The following GRIK4 variants were observed in gnomAD, a reference collection of about 807,000 sequenced individuals.
The protein encoded by GRIK4 is glutamate ionotropic receptor kainate type subunit 4.
In GRIK4, 40 loss-of-function variants were observed where a neutral mutation model predicts 104.9. The ratio of observed to expected loss-of-function variants is 0.38; its 90% CI spans 0.30 to 0.50. The LOEUF (loss-of-function observed/expected upper bound fraction) is 0.50. Ranked by LOEUF, GRIK4 falls within the 20% of genes least tolerant of loss-of-function variation. GRIK4 has a pLI of 0.93. For synonymous variants in GRIK4, 485 were observed against 524.9 expected, an observed-to-expected ratio of 0.92 and a Z score of 1.04; for missense variants, 1,047 against 1,308.1, an observed-to-expected ratio of 0.80 and a Z score of 3.08.
At chr11:120,959,620 G>C (rs552145882) in intron 16 of GRIK4, among the ~76,000 whole-genome samples, 3 of 152,182 alleles carry the variant, frequency 2.0e-5, no homozygotes, top group Admixed American at 1.3e-4. Flanking sequence ...ATGGGAGAAG[G>C]CTTGTTTAAC....
chr11:120,697,977 G>C (rs544436405), intron 3 of GRIK4, among the ~76,000 whole-genome samples: 19 of 152,018 alleles, frequency 1.2e-4, no homozygotes, highest in African/African-American at 4.3e-4. Context: ...CCCCTTTCCC[G>C]AGTCTCTGGG....
intron 1 of GRIK4, among the ~76,000 whole-genome samples, chr11:120,514,099 G>A (rs1352713488): frequency 6.6e-6 from 1 of 152,124 alleles, no homozygotes; most frequent in Non-Finnish European, 1.5e-5. Flanking sequence ...CAGGGGGACC[G>A]GCCCTGGGTT....
chr11:120,624,609 T>C (rs1949232327), intron 1 of GRIK4, among the ~76,000 whole-genome samples: 1 of 152,192 alleles, frequency 6.6e-6, no homozygotes, highest in East Asian at 1.9e-4. Context: ...TGAAGTCCTC[T>C]GCAAGACACA....
intron 3 of GRIK4, among the ~76,000 whole-genome samples, chr11:120,748,182 G>A (rs975364669): frequency 5.9e-5 from 9 of 151,814 alleles, no homozygotes; most frequent in Admixed American, 2.0e-4. Flanking sequence ...TGGCCGACAG[G>A]TTAAACCCTC....
intron 3 of GRIK4, among the ~76,000 whole-genome samples, chr11:120,739,361 G>T (rs2135405135): frequency 6.6e-6 from 1 of 152,290 alleles, no homozygotes; most frequent in South Asian, 2.1e-4. Flanking sequence ...GTTTCCCATG[G>T]GCTCTGCCTG....
chr11:120,565,753 T>C (rs1188522086), intron 1 of GRIK4, among the ~76,000 whole-genome samples: 1 of 152,210 alleles, frequency 6.6e-6, no homozygotes, highest in Non-Finnish European at 1.5e-5. Context: ...CCCTGGCTCT[T>C]TTCTACATCT....
chr11:120,899,291 C>A (rs1159775305), intron 12 of GRIK4, among the ~76,000 whole-genome samples: 1 of 151,918 alleles, frequency 6.6e-6, no homozygotes, highest in African/African-American at 2.4e-5. Context: ...CACGGTGGCA[C>A]ACGCCTGAAA....
Position 120,928,482 on chromosome 11 carries a change from C to T in GRIK4, c.1477-11865C>T, listed in dbSNP as rs559908426. On this transcript the variant is annotated intron_variant, in intron 13 of 20. Coordinates refer to ENST00000527524, the MANE Select transcript of GRIK4 (RefSeq NM_014619.5). ...GTGAATGGCAGAGTCGGGATTCAAA[C>T]ATGCATCTGCCTGACCCCAAAAAGC... 2.6e-5 allele frequency among the ~76,000 whole-genome samples: 4 copies of T among 152,250 alleles called. No homozygotes were observed. The East Asian group carries it at 5.8e-4, about 22-fold the overall frequency.
Position 120,687,501 on chromosome 11 carries a change from T to C in GRIK4, c.82+27101T>C, listed in dbSNP as rs895609343. ...GTCCTTTTCTGTTAACTTGTCTGTT[T>C]AGATCACCTGTGAATCTGTTTCTAT... On this transcript the variant is annotated intron_variant, in intron 3 of 20. Transcript: ENST00000527524. Among the ~76,000 whole-genome samples the C allele has an allele frequency of 2.0e-5, 3 of 152,232 alleles. 1 individual carries two copies.
At chr11:120,522,564 G>A (rs941704152) in intron 1 of GRIK4, among the ~76,000 whole-genome samples, 6 of 151,952 alleles carry the variant, frequency 3.9e-5, no homozygotes, top group African/African-American at 1.2e-4. Flanking sequence ...CAGGTGATCC[G>A]CCCGCCTTGG....
intron 20 of GRIK4, 108 bp downstream of exon 20, chr11:120,982,332 AAG>A (rs776921752): frequency 1.4e-6 from 1 of 717,382 alleles, no homozygotes; most frequent in Non-Finnish European, 2.5e-6. Flanking sequence ...AAGTGCAGCA[AAG>A]AGAATCCCAG....
At chr11:120,601,646 G>GTTT (rs1199063747) in intron 1 of GRIK4, among the ~76,000 whole-genome samples, 6 of 91,186 alleles carry the variant, frequency 6.6e-5, no homozygotes, top group African/African-American at 2.6e-4. Flanking sequence ...TTGTGTGTGT[G>GTTT]GTTTTTTTTT....
At chr11:120,532,173 G>A (rs566161622) in intron 1 of GRIK4, among the ~76,000 whole-genome samples, 4 of 152,284 alleles carry the variant, frequency 2.6e-5, no homozygotes, top group East Asian at 3.9e-4. Flanking sequence ...GCATGGTCCC[G>A]ATTTGACCTC....
At chr11:120,917,969 G>A (rs1943147367) in intron 13 of GRIK4, among the ~76,000 whole-genome samples, 1 of 152,242 alleles carries the variant, frequency 6.6e-6, no homozygotes, top group Non-Finnish European at 1.5e-5. Flanking sequence ...GAGACAGGTG[G>A]TAGGGAATTG....
At position 120,516,497 on chromosome 11, in the gene GRIK4, G is replaced by A. The variant is rs78570440; in HGVS notation, c.-159+4610G>A. Among the ~76,000 whole-genome samples, 656 of 152,136 alleles carry A rather than the reference G, an allele frequency of 4.3e-3. 14 individuals are homozygous for A. The East Asian group carries it at 0.06, about 14-fold the overall frequency. ...GGAGCAGCGGATTGTCACGGTAGAC[G>A]GGGTGGGTAGAACTGCTGGAATCCA... On this transcript the variant is annotated intron_variant, in intron 1 of 20. Coordinates refer to ENST00000527524, the MANE Select transcript of GRIK4 (RefSeq NM_014619.5).
At chr11:120,833,855 G>A (rs1233259645) in intron 7 of GRIK4, among the ~76,000 whole-genome samples, 2 of 151,882 alleles carry the variant, frequency 1.3e-5, no homozygotes, top group Non-Finnish European at 2.9e-5. Context: ...AGCGCTTTTT[G>A]TCCACACTTA....
chr11:120,746,900 T>C (rs900797426), intron 3 of GRIK4, among the ~76,000 whole-genome samples: 7 of 152,206 alleles, frequency 4.6e-5, no homozygotes, highest in African/African-American at 1.7e-4. Flanking sequence ...TTCAGCAGAA[T>C]GTTGAAGACT....
intron 1 of GRIK4, among the ~76,000 whole-genome samples, chr11:120,538,028 A>G (rs1427299264): frequency 1.3e-5 from 2 of 152,246 alleles, no homozygotes; most frequent in Non-Finnish European, 2.9e-5. Flanking sequence ...TTAGTTATTT[A>G]GCCTTAATAA....
chr11:120,865,755 A>G (rs1415645358), intron 9 of GRIK4, among the ~76,000 whole-genome samples: 2 of 152,234 alleles, frequency 1.3e-5, no homozygotes, highest in Non-Finnish European at 2.9e-5. Flanking sequence ...ACCCGAATAC[A>G]GAGTGTGTCT....
Sources: allele counts gnomAD v4.1 joint callset (sites outside exome capture counted in the v4.1 genomes callset), GRCh38; gene constraint gnomAD v4.1.1; transcripts MANE v1.5; gene names NCBI Gene and HGNC (gene_info 2026-07-23, HGNC 2026-07-21).